OR2C1: variants seen among roughly 807,000 people sequenced by gnomAD.
OR2C1 encodes olfactory receptor family 2 subfamily C member 1.
For synonymous variants in OR2C1, 209 were observed against 167.3 expected (o/e 1.25, Z -1.92); for missense variants, 468 against 388.3 (o/e 1.21, Z -1.73).
Position 3,356,164 on chromosome 16 carries a change from C to G in OR2C1, c.224C>G (p.Thr75Ser). ...TCCTCCTTGGACCTTGCTTTCGCTA[C>G]TAGTTCAGTCCCCCAAATGCTGATC... ...NLSSLDLAFA[T>S]SSVPQMLINL... Residue 75 changes from threonine (T) to serine (S), a missense_variant, in exon 1 of 1, where the codon ACT (threonine) becomes AGT (serine). Coordinates refer to ENST00000304936, the MANE Select transcript of OR2C1 (RefSeq NM_012368.3). 6.2e-7 allele frequency: 1 copy of G among 1,614,232 alleles called. No homozygotes were observed. The highest frequency in any genetic ancestry group is 8.5e-7 in the Non-Finnish European group (1 of 1,180,044).
the OR2C1 span, chr16:3,323,411 A>C: frequency 1.3e-6 from 1 of 784,888 alleles, no homozygotes; most frequent in East Asian, 2.4e-5. Context: ...CTCCTCAATC[A>C]CTGTGTTGTC....
chr16:3,330,265 C>T, the OR2C1 span, among the ~76,000 whole-genome samples: 54 of 152,034 alleles, frequency 3.6e-4, 1 homozygote, highest in African/African-American at 1.3e-3. Context: ...CGCCACCACA[C>T]CCAGCTAATT....
chr16:3,329,764 T>C, the OR2C1 span, among the ~76,000 whole-genome samples: 1 of 124,028 alleles, frequency 8.1e-6, no homozygotes, highest in Non-Finnish European at 1.7e-5. Context: ...TTTTTTTTTT[T>C]TTTTTTTTGA....
At chr16:3,342,930 A>G in the OR2C1 span, among the ~76,000 whole-genome samples, 1 of 152,194 alleles carries the variant, frequency 6.6e-6, no homozygotes, top group Non-Finnish European at 1.5e-5. Flanking sequence ...AAGAAGTCAG[A>G]TGGATCTCCA....
the OR2C1 span, among the ~76,000 whole-genome samples, chr16:3,338,639 G>A: frequency 2.1e-5 from 3 of 145,268 alleles, no homozygotes; most frequent in Non-Finnish European, 4.5e-5. Context: ...GCGGGTTCAC[G>A]CCATTCCCCT....
chr16:3,355,219 T>C (rs2030641207), upstream of OR2C1, among the ~76,000 whole-genome samples: 1 of 151,700 alleles, frequency 6.6e-6, no homozygotes, highest in South Asian at 2.1e-4. Flanking sequence ...TCCCAGCTTT[T>C]TGAGAGGCTG....
chr16:3,356,405 C>A lies in OR2C1; in HGVS notation c.465C>A (p.Asn155Lys), dbSNP rs751875293. Residue 155 changes from asparagine to lysine, a missense_variant, in exon 1 of 1, where the codon AAC becomes AAA. Asn to Lys is a moderately conservative substitution (Grantham distance 94). Transcript: ENST00000304936. ...AVIACLGGLG[N>K]SVIQSTFTLQ... Reference sequence around the variant, plus strand: ...TTGCCTGCCTGGGTGGCTTGGGCAACTCTGTGATCCAGTCAACATTCACTC... The same window carrying A: ...TTGCCTGCCTGGGTGGCTTGGGCAAATCTGTGATCCAGTCAACATTCACTC... 1.2e-6 allele frequency: 2 copies of A among 1,613,730 alleles called. No homozygotes were observed. The highest frequency in any genetic ancestry group is 1.7e-6 in the Non-Finnish European group (2 of 1,180,048).
the OR2C1 span, among the ~76,000 whole-genome samples, chr16:3,333,735 G>C: frequency 6.6e-6 from 1 of 152,244 alleles, no homozygotes. Flanking sequence ...CTTGTTGCCT[G>C]TGCTTTTGAG....
chr16:3,352,984 C>T (rs940094698), upstream of OR2C1, among the ~76,000 whole-genome samples: 1 of 151,316 alleles, frequency 6.6e-6, no homozygotes, highest in African/African-American at 2.4e-5. Context: ...CTCAAGTGAT[C>T]TGCCTGCCTC....
chr16:3,349,761 G>A, the OR2C1 span, among the ~76,000 whole-genome samples: 1 of 152,022 alleles, frequency 6.6e-6, no homozygotes, highest in African/African-American at 2.4e-5. Context: ...TGGGGGCCAG[G>A]CGTGGTGGTA....
downstream of OR2C1, among the ~76,000 whole-genome samples, chr16:3,357,788 C>A (rs1310971797): frequency 6.6e-6 from 1 of 151,776 alleles, no homozygotes; most frequent in African/African-American, 2.4e-5. Context: ...TCGGGACCAG[C>A]CTGACCAACA....
At chr16:3,338,798 A>G in the OR2C1 span, among the ~76,000 whole-genome samples, 1 of 152,092 alleles carries the variant, frequency 6.6e-6, no homozygotes, top group Admixed American at 6.6e-5. Flanking sequence ...GGCCTCCCAA[A>G]GTGCTGGGAT....
chr16:3,353,798 C>T (rs184993020), upstream of OR2C1, among the ~76,000 whole-genome samples: 1 of 150,256 alleles, frequency 6.7e-6, no homozygotes, highest in East Asian at 2.0e-4. Flanking sequence ...TAGACTCCAT[C>T]TCAAAAAAAG....
the OR2C1 span, among the ~76,000 whole-genome samples, chr16:3,338,198 G>T: frequency 2.6e-5 from 4 of 152,174 alleles, no homozygotes; most frequent in Non-Finnish European, 5.9e-5. Context: ...TGTCTCCTTT[G>T]ACTGAGTTAC....
chr16:3,349,951 G>A, the OR2C1 span, among the ~76,000 whole-genome samples: 2 of 151,988 alleles, frequency 1.3e-5, no homozygotes, highest in Non-Finnish European at 2.9e-5. Flanking sequence ...CGAAAGGTTG[G>A]CGGTGACATG....
chr16:3,357,639 GC>G (rs1288086804), downstream of OR2C1, among the ~76,000 whole-genome samples: 3 of 152,184 alleles, frequency 2.0e-5, no homozygotes, highest in Non-Finnish European at 2.9e-5. Flanking sequence ...TTCCCCAAGT[GC>G]TGGGATTATG....
the OR2C1 span, among the ~76,000 whole-genome samples, chr16:3,332,733 G>A: frequency 1.6e-4 from 10 of 62,148 alleles, no homozygotes; most frequent in African/African-American, 3.5e-4. Context: ...ATATATATAT[G>A]TATGCACATA....
At chr16:3,329,200 A>ACACCCC in the OR2C1 span, among the ~76,000 whole-genome samples, 4 of 150,966 alleles carry the variant, frequency 2.6e-5, no homozygotes, top group Non-Finnish European at 5.9e-5. Flanking sequence ...ACACACACAC[A>ACACCCC]CACACACACA....
At chr16:3,328,163 G>A in the OR2C1 span, among the ~76,000 whole-genome samples, 1 of 151,942 alleles carries the variant, frequency 6.6e-6, no homozygotes. Context: ...TTAACACCCA[G>A]TGTCCTGATA....
Sources: gnomAD v4.1 joint callset for allele counts (sites outside exome capture counted in the v4.1 genomes callset) on GRCh38, gnomAD v4.1.1 for gene constraint, MANE v1.5 for transcripts, NCBI Gene and HGNC (gene_info 2026-07-23, HGNC 2026-07-21) for gene names.